DGCR2: variants seen among roughly 807,000 people sequenced by gnomAD.
DGCR2 encodes the protein DiGeorge syndrome critical region gene 2.
In DGCR2, 24 loss-of-function variants were observed where a neutral mutation model predicts 51.6. The ratio of observed to expected loss-of-function variants is 0.47; its 90% CI spans 0.34 to 0.65. DGCR2 has a LOEUF of 0.65. DGCR2 is among the 30% of genes least tolerant of loss of function. The probability of loss-of-function intolerance (pLI) is 0.01; values close to 1 mark genes in which losing one functional copy is unlikely to be tolerated. For missense variants in DGCR2, 765 were observed against 772.1 expected (o/e 0.99, Z 0.11); for synonymous variants, 340 against 315.4 (o/e 1.08, Z -0.82).
chr22:19,060,564 A>C (rs1170696375), intron 5 of DGCR2: 1 of 178,868 alleles, frequency 5.6e-6, no homozygotes, highest in Non-Finnish European at 1.2e-5. Flanking sequence ...AGTATGACTC[A>C]CCAGACAGAA....
chr22:19,104,756 A>G (rs1601297010), intron 1 of DGCR2, among the ~76,000 whole-genome samples: 1 of 152,200 alleles, frequency 6.6e-6, no homozygotes, highest in East Asian at 1.9e-4. Context: ...CTGGCAGTAA[A>G]GCCTTACTGC....
At chr22:19,107,242 C>A (rs1021806008) in intron 1 of DGCR2, among the ~76,000 whole-genome samples, 1 of 152,118 alleles carries the variant, frequency 6.6e-6, no homozygotes, top group African/African-American at 2.4e-5. Flanking sequence ...GCTCCTGACT[C>A]CCCATCACCA....
At chr22:19,116,172 GAGA>G (rs1215689916) in intron 1 of DGCR2, among the ~76,000 whole-genome samples, 8 of 152,228 alleles carry the variant, frequency 5.3e-5, no homozygotes, top group African/African-American at 9.6e-5. Flanking sequence ...GGGCCAGGAT[GAGA>G]AGGCTTGATC....
At chr22:19,063,108 G>A (rs2082703686) in intron 5 of DGCR2, 94 bp downstream of exon 5, 1 of 1,231,574 alleles carries the variant, frequency 8.1e-7, no homozygotes. Context: ...ACCCCTACGG[G>A]CCAGGCAGCA....
chr22:19,043,958 C>T (rs2082460818), intron 7 of DGCR2, among the ~76,000 whole-genome samples: 1 of 152,226 alleles, frequency 6.6e-6, no homozygotes, highest in South Asian at 2.1e-4. Context: ...CTCTGACCCT[C>T]CTCCAGTCTC....
At chr22:19,051,008 G>A (rs2082542094) in intron 6 of DGCR2, among the ~76,000 whole-genome samples, 2 of 151,966 alleles carry the variant, frequency 1.3e-5, no homozygotes, top group African/African-American at 4.8e-5. Flanking sequence ...GGCCAACACT[G>A]TGAAACCCTG....
intron 1 of DGCR2, among the ~76,000 whole-genome samples, chr22:19,100,429 A>G (rs2083189042): frequency 6.6e-6 from 1 of 152,136 alleles, no homozygotes; most frequent in Non-Finnish European, 1.5e-5. Context: ...ATCCATGCCC[A>G]CAACATACCA....
At chr22:19,108,108 G>A (rs1204068552) in intron 1 of DGCR2, among the ~76,000 whole-genome samples, 2 of 152,294 alleles carry the variant, frequency 1.3e-5, no homozygotes, top group East Asian at 1.9e-4. Context: ...ACCATAAGGT[G>A]TCTGCCCCCA....
intron 1 of DGCR2, among the ~76,000 whole-genome samples, chr22:19,115,999 T>C (rs2083369503): frequency 6.6e-6 from 1 of 152,250 alleles, no homozygotes. Flanking sequence ...TTTAGAATTT[T>C]ATACTTACCC....
intron 4 of DGCR2, among the ~76,000 whole-genome samples, chr22:19,063,601 G>A (rs376990173): frequency 3.5e-4 from 53 of 151,248 alleles, no homozygotes; most frequent in Admixed American, 2.6e-3. Flanking sequence ...CACCCGCCTC[G>A]GCTTCCCAAA....
intron 1 of DGCR2, among the ~76,000 whole-genome samples, chr22:19,113,353 A>T (rs533533689): frequency 6.6e-6 from 1 of 151,570 alleles, no homozygotes; most frequent in East Asian, 1.9e-4. Flanking sequence ...CTGGCAACAG[A>T]GCGAGACTCC....
intron 5 of DGCR2, chr22:19,061,522 T>C (rs993514521): frequency 1.3e-5 from 2 of 152,216 alleles, no homozygotes; most frequent in African/African-American, 4.8e-5. Context: ...ATTTCTTGAA[T>C]TGTCCTGTGG....
intron 9 of DGCR2, 145 bp from the exon 10 acceptor site, chr22:19,039,266 CG>C: frequency 2.0e-6 from 2 of 993,914 alleles, no homozygotes; most frequent in Middle Eastern, 3.3e-4. Context: ...GTGGCTCCCC[CG>C]GGCCTCAGAT....
chr22:19,113,785 A>C (rs1262135550), intron 1 of DGCR2, among the ~76,000 whole-genome samples: 1 of 152,200 alleles, frequency 6.6e-6, no homozygotes, highest in African/African-American at 2.4e-5. Context: ...TAGGCCAGGC[A>C]CAGTGGCTCA....
chr22:19,070,380 G>A (rs1276800704), intron 2 of DGCR2, among the ~76,000 whole-genome samples: 1 of 152,190 alleles, frequency 6.6e-6, no homozygotes, highest in African/African-American at 2.4e-5. Flanking sequence ...GAGTGTGGCT[G>A]GAGAATGTCA....
intron 2 of DGCR2, among the ~76,000 whole-genome samples, chr22:19,074,014 T>TA (rs2082845702): frequency 6.6e-6 from 1 of 152,200 alleles, no homozygotes; most frequent in Admixed American, 6.5e-5. Flanking sequence ...CTCTGACTGA[T>TA]AGAGATCTGT....
At chr22:19,043,632 C>T (rs1339697137) in intron 7 of DGCR2, among the ~76,000 whole-genome samples, 17 of 152,126 alleles carry the variant, frequency 1.1e-4, no homozygotes, top group Admixed American at 9.8e-4. Context: ...CAGGAGGACC[C>T]CACACCAGCA....
In DGCR2 at chr22:19,122,263, G is replaced by A. The variant is rs763746744; in HGVS notation, c.-57C>T. On this transcript the variant is annotated 5_prime_UTR_variant, in exon 1 of 10. Transcript: ENST00000263196. Reference sequence around the variant, plus strand: ...GGAAGGCCGGACCAGGCCGGACTGAGGGTCAGGGGACCGTGCCAAGCGGAG... The same window carrying A: ...GGAAGGCCGGACCAGGCCGGACTGAAGGTCAGGGGACCGTGCCAAGCGGAG... 12 of 1,364,780 alleles carry A rather than the reference G, an allele frequency of 8.8e-6. No individual in the cohort carries two copies. Among genetic ancestry groups the A allele is most frequent in the African/African-American group, 1.5e-5 (1 of 64,524 alleles). 84.5% of individuals were successfully genotyped at this position (1,364,780 alleles called of 1,614,324 possible).
chr22:19,090,082 G>T (rs1001280013), intron 1 of DGCR2, among the ~76,000 whole-genome samples: 1 of 152,174 alleles, frequency 6.6e-6, no homozygotes, highest in African/African-American at 2.4e-5. Flanking sequence ...TGAAAAGTAC[G>T]CTGCAGAACA....
Sources: allele counts gnomAD v4.1 joint callset (sites outside exome capture counted in the v4.1 genomes callset), GRCh38; gene constraint gnomAD v4.1.1; transcripts MANE v1.5; gene names NCBI Gene and HGNC (gene_info 2026-07-23, HGNC 2026-07-21).